Variants in PACS1 observed in about 807,000 individuals in gnomAD.
PACS1 encodes PACS-1.
In PACS1, 24 loss-of-function variants were observed where a neutral mutation model predicts 115.0. The ratio of observed to expected loss-of-function variants is 0.21; its 90% CI spans 0.15 to 0.29. PACS1 has a LOEUF of 0.29. Ranked by LOEUF, PACS1 falls within the 10% of genes least tolerant of loss-of-function variation. The pLI is 1.00. For missense variants in PACS1, 838 were observed against 1,251.2 expected (o/e 0.67, Z 4.98); for synonymous variants, 453 against 504.5 (o/e 0.90, Z 1.37).
At chr11:66,241,846 G>A (rs1414315742) in intron 22 of PACS1, among the ~76,000 whole-genome samples, 193 bp downstream of exon 22, 5 of 152,184 alleles carry the variant, frequency 3.3e-5, no homozygotes, top group Admixed American at 1.3e-4. Context: ...GCAGGAAACC[G>A]AGGCTGCAGA....
chr11:66,181,302 C>A (rs1860006271), intron 1 of PACS1, among the ~76,000 whole-genome samples: 1 of 151,810 alleles, frequency 6.6e-6, no homozygotes, highest in African/African-American at 2.4e-5. Flanking sequence ...ACCTCCACCT[C>A]CCAGGGTTCA....
rs1590821628 is a variant in PACS1 at position 66,211,021 on chromosome 11, C to T, written c.535-113C>T. 21 of 1,249,860 alleles carry T rather than the reference C, an allele frequency of 1.7e-5. No individual in the cohort carries two copies. In the East Asian group the frequency reaches 4.8e-4, roughly 29 times the overall value. 77.4% of individuals were successfully genotyped at this position (1,249,860 alleles called of 1,614,324 possible). ...ATGGCTCTCCTTTCAACCCTGACTG[C>T]CCCCTTTTAGAGACAGGAAGAATTG... On this transcript the variant is annotated intron_variant, in intron 3 of 23. Coordinates refer to ENST00000320580, the MANE Select transcript of PACS1 (RefSeq NM_018026.4).
At chr11:66,157,006 A>C (rs1455199424) in intron 1 of PACS1, among the ~76,000 whole-genome samples, 1 of 152,232 alleles carries the variant, frequency 6.6e-6, no homozygotes, top group Non-Finnish European at 1.5e-5. Flanking sequence ...ATGTTCTTCT[A>C]GGAAGAATGT....
chr11:66,179,901 G>T (rs1859960547), intron 1 of PACS1, among the ~76,000 whole-genome samples: 1 of 152,128 alleles, frequency 6.6e-6, no homozygotes, highest in Admixed American at 6.6e-5. Context: ...GCCCAGGCTG[G>T]AGTGCAGTGG....
rs530327979 is a variant in PACS1, at chr11:66,190,487, G to A, written c.357-2999G>A. 1.2e-4 allele frequency among the ~76,000 whole-genome samples: 18 copies of A among 152,206 alleles called. No individual in the cohort carries two copies. The South Asian group carries it at 1.9e-3, about 16-fold the overall frequency. ...GTCACCCAGGCTGGAGTGCAATGGC[G>A]CAATCTTGGCTCACTGCAGCCTCCA... On this transcript the variant is annotated intron_variant, in intron 1 of 23. Coordinates refer to ENST00000320580, the MANE Select transcript of PACS1 (RefSeq NM_018026.4).
chr11:66,221,889 G>A (rs1189274827), intron 10 of PACS1, among the ~76,000 whole-genome samples: 1 of 152,166 alleles, frequency 6.6e-6, no homozygotes, highest in African/African-American at 2.4e-5. Context: ...GCCAGGGCGG[G>A]TGGATCACTT....
intron 1 of PACS1, among the ~76,000 whole-genome samples, chr11:66,188,944 A>G (rs955012143): frequency 1.6e-4 from 25 of 152,146 alleles, no homozygotes; most frequent in African/African-American, 2.2e-4. Context: ...ACCAACTTCA[A>G]TTGGTCTCTG....
chr11:66,163,350 CAA>C (rs1231541629), intron 1 of PACS1, among the ~76,000 whole-genome samples: 86 of 57,986 alleles, frequency 1.5e-3, no homozygotes, highest in Admixed American at 1.8e-3. Context: ...GACCCTGTCT[CAA>C]AAAAAAAAAA....
intron 10 of PACS1, among the ~76,000 whole-genome samples, chr11:66,221,827 C>G (rs1216857114): frequency 1.3e-5 from 2 of 152,082 alleles, no homozygotes; most frequent in Non-Finnish European, 2.9e-5. Context: ...CATACAATCT[C>G]CCCCTCTGCT....
intron 1 of PACS1, among the ~76,000 whole-genome samples, chr11:66,111,635 T>C (rs115470959): frequency 0.028 from 4,291 of 152,184 alleles, 213 homozygotes; most frequent in African/African-American, 0.097. Context: ...TTATCCCAGA[T>C]TATTATTCTT....
At chr11:66,171,472 T>C (rs1859735804) in intron 1 of PACS1, among the ~76,000 whole-genome samples, 1 of 150,360 alleles carries the variant, frequency 6.7e-6, no homozygotes, top group Admixed American at 6.6e-5. Flanking sequence ...TGCTTTCTAT[T>C]TGTTCTTTTT....
chr11:66,126,780 G>A (rs183286863), intron 1 of PACS1, among the ~76,000 whole-genome samples: 13 of 152,122 alleles, frequency 8.5e-5, no homozygotes, highest in African/African-American at 2.4e-4. Context: ...TGTTTACTAG[G>A]GAGTGATTAT....
At chr11:66,137,208 C>A (rs538152600) in intron 1 of PACS1, among the ~76,000 whole-genome samples, 1 of 151,974 alleles carries the variant, frequency 6.6e-6, no homozygotes, top group African/African-American at 2.4e-5. Context: ...TTAAAAAATA[C>A]CCATATTTTC....
intron 2 of PACS1, among the ~76,000 whole-genome samples, chr11:66,208,353 CA>C (rs1854992239): frequency 6.6e-6 from 1 of 152,064 alleles, no homozygotes; most frequent in Non-Finnish European, 1.5e-5. Context: ...GTGTGGGGCT[CA>C]AATCTGTAAT....
chr11:66,191,990 T>A (rs1053006495), intron 1 of PACS1, among the ~76,000 whole-genome samples: 13 of 151,542 alleles, frequency 8.6e-5, no homozygotes, highest in African/African-American at 2.4e-4. Flanking sequence ...GCCACTGCAC[T>A]CCAGCCTGGG....
intron 1 of PACS1, among the ~76,000 whole-genome samples, chr11:66,157,942 A>G (rs993338675): frequency 6.6e-6 from 1 of 152,064 alleles, no homozygotes; most frequent in East Asian, 1.9e-4. Flanking sequence ...TCCACATAGA[A>G]TTTCTAGTTA....
chr11:66,129,502 G>C (rs1858656675), intron 1 of PACS1, among the ~76,000 whole-genome samples: 1 of 149,344 alleles, frequency 6.7e-6, no homozygotes, highest in Admixed American at 6.7e-5. Flanking sequence ...AATAGAGACG[G>C]GGCCTAACTA....
At position 66,243,490 on chromosome 11, in the gene PACS1, G is replaced by A. The variant is rs774096659; in HGVS notation, c.*210G>A. 241 of 513,564 alleles carry A rather than the reference G, an allele frequency of 4.7e-4. 2 individuals carry two copies. Among genetic ancestry groups the A allele is most frequent in the Non-Finnish European group, 5.7e-4 (171 of 298,624 alleles). 31.8% of individuals were successfully genotyped at this position (513,564 alleles called of 1,614,324 possible). A position where few individuals can be genotyped will look rare whatever the true frequency, so the allele number is the denominator to read the frequency against. ...CCCTGCACAGCCCCTCCTCCTTCCC[G>A]CTTTTCCCCTTCTCCCTCCTGCTCC... On this transcript the variant is annotated 3_prime_UTR_variant, in exon 24 of 24. Coordinates refer to ENST00000320580, the MANE Select transcript of PACS1 (RefSeq NM_018026.4).
chr11:66,114,395 G>C (rs1858258192), intron 1 of PACS1, among the ~76,000 whole-genome samples: 1 of 147,378 alleles, frequency 6.8e-6, no homozygotes, highest in African/African-American at 2.5e-5. Flanking sequence ...TCCAGCCTGG[G>C]CGACAGAGCA....
Sources: allele counts gnomAD v4.1 joint callset (sites outside exome capture counted in the v4.1 genomes callset), GRCh38; gene constraint gnomAD v4.1.1; transcripts MANE v1.5; gene names NCBI Gene and HGNC (gene_info 2026-07-23, HGNC 2026-07-21).